The following GHR variants were observed in gnomAD, a reference collection of about 807,000 sequenced individuals.
GHR encodes the protein growth hormone receptor, also known as GH receptor.
Under a neutral mutation model 67.1 loss-of-function variants are expected in GHR, and 35 were observed. That is an observed-to-expected ratio of 0.52 (90% CI 0.40 to 0.69). GHR has a LOEUF of 0.69. GHR is among the 30% of genes least tolerant of loss of function. The pLI, the probability that GHR is intolerant of heterozygous loss-of-function variation, is 0.00. For synonymous variants in GHR, 272 were observed against 269.1 expected, an observed-to-expected ratio of 1.01 and a Z score of -0.10; for missense variants, 792 against 764.6, an observed-to-expected ratio of 1.04 and a Z score of -0.42.
chr5:42,638,171 C>T (rs527385746), intron 3 of GHR, among the ~76,000 whole-genome samples: 1 of 151,088 alleles, frequency 6.6e-6, no homozygotes, highest in East Asian at 1.9e-4. Context: ...GAACTCCTGA[C>T]CTCGTGATCT....
At chr5:42,698,097 G>A (rs567465257) in intron 5 of GHR, among the ~76,000 whole-genome samples, 130 of 152,316 alleles carry the variant, frequency 8.5e-4, no homozygotes, top group African/African-American at 3.0e-3. Context: ...AGGAGAGCAG[G>A]TTTTGGAGAG....
chr5:42,605,673 C>A (rs1360865724), intron 2 of GHR, among the ~76,000 whole-genome samples: 4 of 152,216 alleles, frequency 2.6e-5, no homozygotes, highest in African/African-American at 7.2e-5. Context: ...TCAGACAATG[C>A]TCTCTTTAAA....
At chr5:42,708,550 G>A (rs182732688) in intron 6 of GHR, among the ~76,000 whole-genome samples, 1 of 151,840 alleles carries the variant, frequency 6.6e-6, no homozygotes, top group Non-Finnish European at 1.5e-5. Context: ...ATAGTGATAG[G>A]TATAACCCAA....
intron 3 of GHR, among the ~76,000 whole-genome samples, chr5:42,652,869 C>G (rs368137099): frequency 6.6e-6 from 1 of 151,976 alleles, no homozygotes; most frequent in East Asian, 1.9e-4. Context: ...AGCATCCTTG[C>G]TCTGTACTAC....
At chr5:42,686,059 G>A (rs1757123359) in intron 3 of GHR, among the ~76,000 whole-genome samples, 1 of 152,128 alleles carries the variant, frequency 6.6e-6, no homozygotes. Context: ...TTCTTCTAGG[G>A]TTTTTATGGT....
chr5:42,651,571 C>T (rs769740844), intron 3 of GHR, among the ~76,000 whole-genome samples: 19 of 152,174 alleles, frequency 1.2e-4, no homozygotes, highest in Non-Finnish European at 2.2e-4. Context: ...GACACACTGA[C>T]CTGTTTTCAT....
At chr5:42,504,708 G>A (rs899962443) in intron 1 of GHR, among the ~76,000 whole-genome samples, 15 of 152,060 alleles carry the variant, frequency 9.9e-5, no homozygotes, top group African/African-American at 3.4e-4. Context: ...GCAGTGAGCC[G>A]AGATCGCACC....
Position 42,648,716 on chromosome 5 carries a change from G to A in GHR, c.136+19613G>A, listed in dbSNP as rs184733121. On this transcript the variant is annotated intron_variant, in intron 3 of 9. Coordinates refer to ENST00000230882, the MANE Select transcript of GHR (RefSeq NM_000163.5). ...ACTAGTAGTAGTAGTAGTAGTAGTG[G>A]TGGTGGTAGTAATGGTAGTAATAGT... 1.5e-3 allele frequency among the ~76,000 whole-genome samples: 231 copies of A among 150,372 alleles called. 2 individuals carry two copies. Among genetic ancestry groups the A allele is most frequent in the African/African-American group, 5.4e-3 (219 of 40,354 alleles).
At chr5:42,699,725 T>C (rs1757839022) in intron 5 of GHR, 99 bp from the exon 6 acceptor site, 1 of 819,440 alleles carries the variant, frequency 1.2e-6, no homozygotes, top group Non-Finnish European at 2.2e-6. Flanking sequence ...GCATGAATGA[T>C]CAAAAATGTA....
At chr5:42,492,088 G>A (rs559090570) in intron 1 of GHR, among the ~76,000 whole-genome samples, 48 of 152,220 alleles carry the variant, frequency 3.2e-4, no homozygotes, top group African/African-American at 9.4e-4. Flanking sequence ...CTTATACTCT[G>A]TTTCTGTAAG....
At chr5:42,506,308 G>A (rs927251601) in intron 1 of GHR, among the ~76,000 whole-genome samples, 3 of 152,182 alleles carry the variant, frequency 2.0e-5, no homozygotes, top group South Asian at 2.1e-4. Context: ...ATGATTTAAT[G>A]AGGATGTCTT....
At chr5:42,526,811 A>C (rs1217081180) in intron 1 of GHR, among the ~76,000 whole-genome samples, 1 of 152,218 alleles carries the variant, frequency 6.6e-6, no homozygotes, top group Admixed American at 6.5e-5. Flanking sequence ...AATAAAAGAA[A>C]GAATGTTAAA....
intron 1 of GHR, among the ~76,000 whole-genome samples, chr5:42,522,097 T>G (rs1051851422): frequency 6.6e-6 from 1 of 152,162 alleles, no homozygotes; most frequent in Admixed American, 6.5e-5. Flanking sequence ...TCCATCGTTT[T>G]GTATTGCACA....
At position 42,468,153 on chromosome 5, in the gene GHR, A is replaced by T. The variant is rs1744818562; in HGVS notation, c.-12+44198A>T. The T allele has an allele frequency of 5.3e-6, 7 of 1,314,478 alleles. No homozygotes were observed. The East Asian group carries it at 1.4e-4, about 26-fold the overall frequency. 81.4% of individuals were successfully genotyped at this position (1,314,478 alleles called of 1,614,324 possible). On this transcript the variant is annotated intron_variant, in intron 1 of 9. Transcript: ENST00000230882. ...GCACCTTTTCTTCCTCTTCTGATCC[A>T]TCAAGGCCTGTCTGACGAAACTCCC...
intron 1 of GHR, chr5:42,565,573 C>T (rs1171415964): frequency 4.1e-6 from 4 of 985,280 alleles, no homozygotes; most frequent in Non-Finnish European, 4.8e-6. Context: ...GCATGGGGGT[C>T]GTTTGCTGTG....
intron 2 of GHR, among the ~76,000 whole-genome samples, chr5:42,599,357 ATTTT>A (rs36037535): frequency 1.0e-3 from 107 of 103,918 alleles, no homozygotes; most frequent in African/African-American, 4.0e-3. Flanking sequence ...CCTACAGCAC[ATTTT>A]TTTTTTTTTT....
intron 2 of GHR, among the ~76,000 whole-genome samples, chr5:42,569,513 A>G (rs1750151268): frequency 6.6e-6 from 1 of 152,162 alleles, no homozygotes; most frequent in South Asian, 2.1e-4. Flanking sequence ...GGAAGAAAAG[A>G]AAGAGGAAGT....
intron 3 of GHR, among the ~76,000 whole-genome samples, chr5:42,642,835 T>C (rs1025667328): frequency 6.6e-6 from 1 of 152,150 alleles, no homozygotes; most frequent in Non-Finnish European, 1.5e-5. Flanking sequence ...TCCATGCCTC[T>C]CTCCTAGATT....
At position 42,719,036 on chromosome 5, in the gene GHR, G is replaced by T; in HGVS notation, c.1529G>T (p.Gly510Val). ...TCCCCGGGCCAAAAGAATAAGGCAG[G>T]GATGTCCCAATGTGACATGCACCCG... ...VLSPGQKNKA[G>V]MSQCDMHPEM... Residue 510 changes from glycine (G) to valine (V), a missense_variant, in exon 10 of 10, where the codon GGG becomes GTG. Coordinates refer to ENST00000230882, the MANE Select transcript of GHR (RefSeq NM_000163.5). 1 of 1,608,342 alleles carries T rather than the reference G, an allele frequency of 6.2e-7. No homozygotes were observed. The highest frequency in any genetic ancestry group is 8.5e-7 in the Non-Finnish European group (1 of 1,176,166).
Sources: allele counts gnomAD v4.1 joint callset (sites outside exome capture counted in the v4.1 genomes callset), GRCh38; gene constraint gnomAD v4.1.1; transcripts MANE v1.5; gene names NCBI Gene and HGNC (gene_info 2026-07-23, HGNC 2026-07-21).